ARID2: variants seen among roughly 807,000 people sequenced by gnomAD.
ARID2 encodes the protein AT-rich interaction domain 2, also known as AT-rich interactive domain-containing protein 2.
ARID2 carries 32 observed loss-of-function variants against 184.6 expected under a neutral mutation model. The ratio of observed to expected loss-of-function variants is 0.17; its 90% CI spans 0.13 to 0.23. ARID2 has a LOEUF of 0.23. ARID2 is among the 10% of genes least tolerant of loss of function. ARID2 has a pLI of 1.00. For missense variants in ARID2, 1,696 were observed against 2,197.6 expected, an observed-to-expected ratio of 0.77 and a Z score of 4.56; for synonymous variants, 836 against 772.6, an observed-to-expected ratio of 1.08 and a Z score of -1.36.
intron 16 of ARID2, among the ~76,000 whole-genome samples, chr12:45,869,596 G>A (rs1028174371): frequency 2.6e-5 from 4 of 151,948 alleles, no homozygotes; most frequent in Non-Finnish European, 5.9e-5. Flanking sequence ...CAATTATAAT[G>A]TCTAGGCCAG....
intron 16 of ARID2, among the ~76,000 whole-genome samples, chr12:45,866,733 T>A (rs1943837324): frequency 6.6e-6 from 1 of 152,194 alleles, no homozygotes. Flanking sequence ...ACAACAAAAT[T>A]GAATGGCAAA....
chr12:45,809,560 A>ACTCAGAGT (rs1445469470), intron 3 of ARID2, among the ~76,000 whole-genome samples: 1 of 152,204 alleles, frequency 6.6e-6, no homozygotes, highest in South Asian at 2.1e-4. Context: ...CAAGGGACAT[A>ACTCAGAGT]CTCAGAGTCA....
chr12:45,851,517 A>C lies in ARID2; in HGVS notation c.3394A>C (p.Ser1132Arg). Residue 1132 changes from serine (S) to arginine (R), a missense_variant, in exon 15 of 21, where the codon AGT becomes CGT. Ser to Arg is a moderately radical substitution (Grantham distance 110). This residue lies in a region of ARID2 where 713 missense variants were observed against 824.4 expected (regional missense o/e 0.86). Coordinates refer to ENST00000334344, the MANE Select transcript of ARID2 (RefSeq NM_152641.4). ...GCAGCAAAATGTTCAGTTGGTCCCA[A>C]GTGCAATGCCACCCTCAGGGGGAGT... ...VGQQNVQLVP[S>R]AMPPSGGVQT... 6.2e-7 allele frequency: 1 copy of C among 1,614,132 alleles called. No homozygotes were observed. The highest frequency in any genetic ancestry group is 2.2e-5 in the East Asian group (1 of 44,880).
rs183639162 is a variant in ARID2 at position 45,835,906 on chromosome 12, A to C, written c.706-683A>C. On this transcript the variant is annotated intron_variant, in intron 6 of 20. Coordinates refer to ENST00000334344, the MANE Select transcript of ARID2 (RefSeq NM_152641.4). The stretch of plus-strand genomic sequence containing the variant: ...AAAGAGCGAAACTCCATCTCAAAAA[A>C]AAAAACAAAAACAAAAAAGAAATGT... 5.8e-3 allele frequency among the ~76,000 whole-genome samples: 880 copies of C among 152,008 alleles called. 12 individuals carry two copies. The highest frequency in any genetic ancestry group is 0.02 in the African/African-American group (821 of 41,432).
chr12:45,871,910 G>C (rs1943931895), intron 16 of ARID2, among the ~76,000 whole-genome samples: 1 of 152,050 alleles, frequency 6.6e-6, no homozygotes. Context: ...AGATATTTCT[G>C]TTTCTTTATT....
Position 45,837,387 on chromosome 12 carries a change from A to AT in ARID2, c.1091dup (p.Met364IlefsTer5), listed in dbSNP as rs1943240700. ...GTTTCATACTGTTACAAAATGTCTA[A>AT]TGTCAAGGGATAGATTTTTAAAGAT... On this transcript the variant is annotated frameshift_variant, in exon 9 of 21. Coordinates refer to ENST00000334344, the MANE Select transcript of ARID2 (RefSeq NM_152641.4). LOFTEE classifies it high-confidence loss of function. 1 of 1,612,300 alleles carries AT rather than the reference A, an allele frequency of 6.2e-7. No homozygotes were observed. Among genetic ancestry groups the AT allele is most frequent in the Non-Finnish European group, 8.5e-7 (1 of 1,179,300 alleles).
intron 6 of ARID2, among the ~76,000 whole-genome samples, chr12:45,824,909 G>GC (rs1362564007): frequency 6.6e-6 from 1 of 150,504 alleles, no homozygotes; most frequent in African/African-American, 2.4e-5. Context: ...ATACTATTCA[G>GC]CCCTAAAAGG....
intron 3 of ARID2, among the ~76,000 whole-genome samples, chr12:45,760,550 A>C (rs979510501): frequency 1.3e-5 from 2 of 151,760 alleles, no homozygotes; most frequent in Non-Finnish European, 2.9e-5. Context: ...GTGTTTTTGC[A>C]CACAGATTTT....
At chr12:45,782,992 C>T (rs989888590) in intron 3 of ARID2, among the ~76,000 whole-genome samples, 12 of 151,566 alleles carry the variant, frequency 7.9e-5, no homozygotes, top group Admixed American at 2.6e-4. Context: ...CAGGGGTGGT[C>T]GTGCGCACCT....
intron 16 of ARID2, among the ~76,000 whole-genome samples, chr12:45,875,064 A>G (rs1458587716): frequency 6.6e-6 from 1 of 152,214 alleles, no homozygotes; most frequent in Non-Finnish European, 1.5e-5. Flanking sequence ...CGGAGTTTGC[A>G]GTGAGCGGAG....
At chr12:45,892,570 G>A (rs1944315372) in intron 18 of ARID2, among the ~76,000 whole-genome samples, 1 of 151,820 alleles carries the variant, frequency 6.6e-6, no homozygotes, top group Non-Finnish European at 1.5e-5. Context: ...TTCAGAATTA[G>A]CTTAAAATAA....
intron 3 of ARID2, among the ~76,000 whole-genome samples, chr12:45,779,397 A>G (rs1489836188): frequency 2.0e-5 from 3 of 152,244 alleles, no homozygotes; most frequent in Middle Eastern, 3.4e-3. Flanking sequence ...TTCATTTGTG[A>G]AAAATTGTAC....
chr12:45,760,177 T>C (rs1941648455), intron 3 of ARID2, among the ~76,000 whole-genome samples: 1 of 152,178 alleles, frequency 6.6e-6, no homozygotes, highest in African/African-American at 2.4e-5. Context: ...CTTTTGGTTG[T>C]TGATTTTAAT....
intron 3 of ARID2, among the ~76,000 whole-genome samples, chr12:45,769,569 G>T (rs1023322985): frequency 1.3e-5 from 2 of 152,186 alleles, no homozygotes; most frequent in African/African-American, 2.4e-5. Context: ...GTGTACCAAC[G>T]TACACATAAT....
intron 16 of ARID2, among the ~76,000 whole-genome samples, chr12:45,886,008 C>T (rs1466341923): frequency 6.6e-6 from 1 of 152,172 alleles, no homozygotes; most frequent in Non-Finnish European, 1.5e-5. Flanking sequence ...TCATGCCTTT[C>T]CAGGAGTCCC....
At chr12:45,856,067 C>CTTTTTTTTT (rs930473740) in intron 15 of ARID2, among the ~76,000 whole-genome samples, 140 of 74,612 alleles carry the variant, frequency 1.9e-3, no homozygotes, top group South Asian at 2.4e-3. Flanking sequence ...TTCTTCTTTT[C>CTTTTTTTTT]TTTTTTTTTT....
rs1352170728 is a variant in ARID2, at chr12:45,850,656, A to G, written c.2533A>G (p.Thr845Ala). Residue 845 changes from threonine (T) to alanine (A), a missense_variant, in exon 15 of 21, where the codon ACT becomes GCT. Physicochemically the swap from Thr to Ala is moderately conservative, Grantham distance 58. Coordinates refer to ENST00000334344, the MANE Select transcript of ARID2 (RefSeq NM_152641.4). The stretch of plus-strand genomic sequence containing the variant: ...ATCAGCTGGTAGCCAGTCACAAGAT[A>G]CTGTTATCATAGCACCCCCACAGTA... ...QTSAGSQSQD[T>A]VIIAPPQYVT... The G allele has an allele frequency of 1.2e-6, 2 of 1,614,130 alleles. No homozygotes were observed. Among genetic ancestry groups the G allele is most frequent in the South Asian group, 1.1e-5 (1 of 91,080 alleles).
intron 3 of ARID2, among the ~76,000 whole-genome samples, chr12:45,742,723 A>G (rs1941286843): frequency 6.6e-6 from 1 of 152,216 alleles, no homozygotes; most frequent in African/African-American, 2.4e-5. Flanking sequence ...TTACTGTAGT[A>G]AATAATGTCA....
At chr12:45,740,426 C>A (rs559337551) in intron 3 of ARID2, among the ~76,000 whole-genome samples, 9 of 151,918 alleles carry the variant, frequency 5.9e-5, no homozygotes, top group Non-Finnish European at 1.5e-5. Context: ...CACACTCATA[C>A]ACACACTATC....
Sources: gnomAD v4.1 joint callset for allele counts (sites outside exome capture counted in the v4.1 genomes callset) on GRCh38, gnomAD v4.1.1 for gene constraint, gnomAD v4.1.1 regional missense constraint, MANE v1.5 for transcripts, NCBI Gene and HGNC (gene_info 2026-07-23, HGNC 2026-07-21) for gene names.